The following ACTN2 variants were observed in gnomAD, a reference collection of about 807,000 sequenced individuals.
ACTN2 encodes the protein actinin alpha 2, also known as alpha-actinin-2.
In ACTN2, 39 loss-of-function variants were observed where a neutral mutation model predicts 113.8. The observed-to-expected ratio is 0.34, with a 90% CI of 0.27 to 0.45. The LOEUF (loss-of-function observed/expected upper bound fraction) is 0.45, where lower values mean the gene tolerates loss of function less well. Ranked by LOEUF, ACTN2 falls within the 20% of genes least tolerant of loss-of-function variation. The probability of loss-of-function intolerance (pLI) is 1.00; values close to 1 mark genes in which losing one functional copy is unlikely to be tolerated. For missense variants in ACTN2, 992 were observed against 1,177.9 expected, an observed-to-expected ratio of 0.84 and a Z score of 2.31; for synonymous variants, 429 against 444.1, an observed-to-expected ratio of 0.97 and a Z score of 0.43.
At position 236,744,569 on chromosome 1, in the gene ACTN2, A is replaced by G. The variant is rs1184212392; in HGVS notation, c.1256-57A>G. 27 of 1,600,160 alleles carry G rather than the reference A, an allele frequency of 1.7e-5. No homozygotes were observed. In the East Asian group the frequency reaches 4.7e-4, roughly 28 times the overall value. Reference sequence around the variant, plus strand: ...ACCGCTCCCTGAGAATGTGGCTGGCATGAGGAAGCCGCTGTGCCCTCAGCA... The same window carrying G: ...ACCGCTCCCTGAGAATGTGGCTGGCGTGAGGAAGCCGCTGTGCCCTCAGCA... On this transcript the variant is annotated intron_variant, in intron 11 of 20. Coordinates refer to ENST00000366578, the MANE Select transcript of ACTN2 (RefSeq NM_001103.4).
At chr1:236,694,389 A>G (rs1558220795) in intron 1 of ACTN2, among the ~76,000 whole-genome samples, 1 of 151,056 alleles carries the variant, frequency 6.6e-6, no homozygotes, top group Admixed American at 6.6e-5. Flanking sequence ...CGCCCGGCTA[A>G]TTTTTTTATT....
chr1:236,729,302 C>T (rs907059081), intron 6 of ACTN2, among the ~76,000 whole-genome samples: 18 of 151,926 alleles, frequency 1.2e-4, no homozygotes, highest in African/African-American at 4.1e-4. Flanking sequence ...CCAGCCTGGG[C>T]GACAGAGCGA....
chr1:236,713,101 G>A (rs766338556), intron 1 of ACTN2, among the ~76,000 whole-genome samples: 21 of 151,580 alleles, frequency 1.4e-4, no homozygotes, highest in African/African-American at 4.8e-4. Context: ...CCAAATATTC[G>A]TTCATAGGGA....
rs869077774 is a variant in ACTN2, at chr1:236,721,022, GTTTTTT to G, written c.448+849_448+854del. Among the ~76,000 whole-genome samples the G allele has an allele frequency of 1.5e-3, 103 of 66,512 alleles. 19 individuals carry two copies. Among genetic ancestry groups the G allele is most frequent in the Middle Eastern group, 0.025 (2 of 80 alleles). 43.6% of individuals were successfully genotyped at this position (66,512 alleles called of 152,430 possible). A position where few individuals can be genotyped will look rare whatever the true frequency, so the allele number is the denominator to read the frequency against. ...CCTCTGACTCTGGTTTTTGTTTTTT[GTTTTTT>G]TTTTTTTTTTTTTTTTTGAGACGGA... is the stretch of plus-strand genomic sequence containing the variant. On this transcript the variant is annotated intron_variant, in intron 4 of 20. Transcript: ENST00000366578.
At chr1:236,744,430 T>C (rs1230017901) in intron 11 of ACTN2, among the ~76,000 whole-genome samples, 196 bp from the exon 12 acceptor site, 2 of 152,184 alleles carry the variant, frequency 1.3e-5, no homozygotes, top group Admixed American at 1.3e-4. Context: ...CTTTCAAAAC[T>C]GAGAAGGGGC....
At chr1:236,691,833 G>A (rs754071332) in intron 1 of ACTN2, among the ~76,000 whole-genome samples, 23 of 152,144 alleles carry the variant, frequency 1.5e-4, no homozygotes, top group Admixed American at 7.9e-4. Context: ...GCTCTGTATC[G>A]GATATGTCTG....
Position 236,749,522 on chromosome 1 carries a change from C to T in ACTN2, c.1656+258C>T, listed in dbSNP as rs76505998. On this transcript the variant is annotated intron_variant, in intron 14 of 20. Transcript: ENST00000366578. ...TTTAAAAAAGAATGCTGAGGCTGGGCGCAGTGGTTCATGCTTATAATTCCA... is the reference window on the plus strand; with the variant it reads ...TTTAAAAAAGAATGCTGAGGCTGGGTGCAGTGGTTCATGCTTATAATTCCA... 0.052 allele frequency among the ~76,000 whole-genome samples: 7,935 copies of T among 152,178 alleles called. 267 individuals are homozygous for T. Among genetic ancestry groups the T allele is most frequent in the East Asian group, 0.15 (768 of 5,174 alleles).
rs539250948 is a variant in ACTN2 at position 236,719,006 on chromosome 1, C to T, written c.354C>T (p.Gly118=). 68 of 1,613,992 alleles carry T rather than the reference C, an allele frequency of 4.2e-5. No homozygotes were observed. The highest frequency in any genetic ancestry group is 1.5e-4 in the Admixed American group (9 of 60,010). ...ASKGVKLVSI[G]AEEIVDGNVK... ...AAGGGGTGAAACTGGTGTCCATTGG[C>T]GCTGAAGGTGAGAGGTGTGGTGGGT... is the stretch of plus-strand genomic sequence containing the variant. The change falls in exon 3 of 21, where the codon GGC becomes GGT. Residue 118 remains glycine (G), a synonymous_variant. Transcript: ENST00000366578.
chr1:236,716,524 G>A (rs1381191314), intron 1 of ACTN2, among the ~76,000 whole-genome samples: 3 of 152,156 alleles, frequency 2.0e-5, no homozygotes, highest in South Asian at 2.1e-4. Context: ...ATTTTCAGCC[G>A]AAGATTTGCC....
intron 1 of ACTN2, among the ~76,000 whole-genome samples, chr1:236,699,646 C>T (rs1197531309): frequency 6.6e-6 from 1 of 152,206 alleles, no homozygotes; most frequent in Non-Finnish European, 1.5e-5. Flanking sequence ...GTGTCTTTAT[C>T]TACAGGAATG....
At chr1:236,737,437 G>C (rs903516126) in intron 9 of ACTN2, among the ~76,000 whole-genome samples, 2 of 150,482 alleles carry the variant, frequency 1.3e-5, no homozygotes, top group African/African-American at 4.9e-5. Context: ...TCTTTCCAAC[G>C]ATCCCAAAGC....
At chr1:236,750,600 T>A (rs1659366121) in intron 14 of ACTN2, among the ~76,000 whole-genome samples, 1 of 152,164 alleles carries the variant, frequency 6.6e-6, no homozygotes, top group African/African-American at 2.4e-5. Context: ...GCCGCTGAAT[T>A]TGTGGGGCTG....
At chr1:236,742,447 G>A (rs947069853) in intron 10 of ACTN2, among the ~76,000 whole-genome samples, 6 of 152,166 alleles carry the variant, frequency 3.9e-5, no homozygotes, top group Non-Finnish European at 7.4e-5. Context: ...GCACATGCCT[G>A]TAATCCCGGC....
At chr1:236,717,179 C>T (rs1176006625) in intron 1 of ACTN2, among the ~76,000 whole-genome samples, 1 of 151,878 alleles carries the variant, frequency 6.6e-6, no homozygotes, top group Non-Finnish European at 1.5e-5. Context: ...CATGGTGGCT[C>T]ATGCCTGTAA....
At chr1:236,737,613 T>A (rs1182278280) in intron 9 of ACTN2, among the ~76,000 whole-genome samples, 1 of 150,710 alleles carries the variant, frequency 6.6e-6, no homozygotes, top group Non-Finnish European at 1.5e-5. Context: ...TGCAAAAGCC[T>A]CACTCCACAT....
chr1:236,738,795 A>C (rs546288058), intron 9 of ACTN2, among the ~76,000 whole-genome samples: 1 of 152,220 alleles, frequency 6.6e-6, no homozygotes, highest in South Asian at 2.1e-4. Context: ...CTAGACGTCA[A>C]AATACACTTT....
chr1:236,725,872 A>C, intron 4 of ACTN2, 61 bp from the exon 5 acceptor site: 2 of 1,476,542 alleles, frequency 1.4e-6, no homozygotes, highest in Non-Finnish European at 1.9e-6. Flanking sequence ...AAAAGTGACT[A>C]GGAGCTAAGT....
chr1:236,719,001 A>G lies in ACTN2; in HGVS notation c.349A>G (p.Ile117Val), dbSNP rs1343641929. ...CAGCAAAGGGGTGAAACTGGTGTCC[A>G]TTGGCGCTGAAGGTGAGAGGTGTGG... ...IASKGVKLVSIGAEEIVDGNV... is the reference protein window; with the variant it reads ...IASKGVKLVSVGAEEIVDGNV... Residue 117 changes from isoleucine (I) to valine (V), a missense_variant, in exon 3 of 21, where the codon ATT becomes GTT. By Grantham distance (29) the Ile-to-Val change is conservative (BLOSUM62 3). This residue lies in a region of ACTN2 where 220 missense variants were observed against 337.5 expected (regional missense o/e 0.65). Transcript: ENST00000366578. 10 of 1,614,094 alleles carry G rather than the reference A, an allele frequency of 6.2e-6. No individual in the cohort carries two copies. The highest frequency in any genetic ancestry group is 8.5e-6 in the Non-Finnish European group (10 of 1,180,010).
At chr1:236,732,250 TG>T (rs1658730590) in intron 7 of ACTN2, among the ~76,000 whole-genome samples, 1 of 152,110 alleles carries the variant, frequency 6.6e-6, no homozygotes, top group Non-Finnish European at 1.5e-5. Flanking sequence ...CTCTGGAGGC[TG>T]TGTCTGAAAT....
Sources: allele counts gnomAD v4.1 joint callset (sites outside exome capture counted in the v4.1 genomes callset), GRCh38; gene constraint gnomAD v4.1.1; regional missense constraint gnomAD v4.1.1; transcripts MANE v1.5; gene names NCBI Gene and HGNC (gene_info 2026-07-23, HGNC 2026-07-21).